Variants in CNTNAP2 observed in about 807,000 individuals in gnomAD.
CNTNAP2 encodes contactin-associated protein-like 2.
In CNTNAP2, 98 loss-of-function variants were observed where a neutral mutation model predicts 155.2. The observed-to-expected ratio is 0.63, with a 90% CI of 0.54 to 0.75. The LOEUF (loss-of-function observed/expected upper bound fraction) is 0.75. Among genes scored for constraint, CNTNAP2 ranks in the 30% least tolerant of loss-of-function variants. The pLI is 0.00. For synonymous variants in CNTNAP2, 651 were observed against 631.2 expected (o/e 1.03, Z -0.47); for missense variants, 1,727 against 1,688.1 (o/e 1.02, Z -0.40).
chr7:146,641,280 C>A (rs950944833), intron 1 of CNTNAP2, among the ~76,000 whole-genome samples: 2 of 152,094 alleles, frequency 1.3e-5, no homozygotes, highest in African/African-American at 2.4e-5. Flanking sequence ...GAGCCGAGAT[C>A]GCACCACTGC....
chr7:148,111,764 G>C (rs1804358958), intron 15 of CNTNAP2, among the ~76,000 whole-genome samples: 1 of 152,194 alleles, frequency 6.6e-6, no homozygotes, highest in South Asian at 2.1e-4. Flanking sequence ...AGCCCTGACA[G>C]CCTGACAATT....
At chr7:146,584,381 C>CCTTT (rs1409280077) in intron 1 of CNTNAP2, among the ~76,000 whole-genome samples, 1 of 152,100 alleles carries the variant, frequency 6.6e-6, no homozygotes, top group Non-Finnish European at 1.5e-5. Context: ...CAGAAGGGTA[C>CCTTT]CTTTAGCTGC....
At position 146,893,810 on chromosome 7, in the gene CNTNAP2, C is replaced by T. The variant is rs191129992; in HGVS notation, c.402+53906C>T. On this transcript the variant is annotated intron_variant, in intron 3 of 23. Coordinates refer to ENST00000361727, the MANE Select transcript of CNTNAP2 (RefSeq NM_014141.6). ...TGTCTATGGGTTGAGGAATAATCCA[C>T]TAAGCGCACATCAGTTAACAAATGG... Among the ~76,000 whole-genome samples, 17 of 152,232 alleles carry T rather than the reference C, an allele frequency of 1.1e-4. No individual in the cohort carries two copies. The South Asian group carries it at 2.5e-3, about 22-fold the overall frequency.
chr7:146,707,629 C>T (rs568020451), intron 1 of CNTNAP2, among the ~76,000 whole-genome samples: 1 of 152,088 alleles, frequency 6.6e-6, no homozygotes, highest in African/African-American at 2.4e-5. Flanking sequence ...CTCAGAAGGG[C>T]CTTGCTCTTT....
chr7:146,627,094 G>A (rs184477940), intron 1 of CNTNAP2, among the ~76,000 whole-genome samples: 4 of 152,304 alleles, frequency 2.6e-5, no homozygotes, highest in Non-Finnish European at 5.9e-5. Flanking sequence ...GGAGGAGCAA[G>A]TCACATCTTA....
intron 1 of CNTNAP2, among the ~76,000 whole-genome samples, chr7:146,244,504 C>A (rs1799614061): frequency 6.6e-6 from 1 of 152,166 alleles, no homozygotes; most frequent in African/African-American, 2.4e-5. Context: ...ATTCTGAGGA[C>A]AGGTCTGACT....
intron 1 of CNTNAP2, among the ~76,000 whole-genome samples, chr7:146,597,254 AG>A (rs1437574711): frequency 9.9e-5 from 15 of 152,074 alleles, no homozygotes; most frequent in Non-Finnish European, 2.2e-4. Flanking sequence ...TTTGGATGAG[AG>A]TGTAAAGGTT....
chr7:146,306,015 A>G (rs1800705011), intron 1 of CNTNAP2, among the ~76,000 whole-genome samples: 1 of 152,138 alleles, frequency 6.6e-6, no homozygotes, highest in African/African-American at 2.4e-5. Context: ...CAAATAAAGG[A>G]GAAAAGAGAG....
chr7:146,937,351 C>CAAAAA (rs71165050), intron 3 of CNTNAP2, among the ~76,000 whole-genome samples: 3 of 134,804 alleles, frequency 2.2e-5, no homozygotes, highest in Non-Finnish European at 4.7e-5. Context: ...ACTCTTGTCT[C>CAAAAA]AAAAAAAAAA....
chr7:146,771,096 A>T (rs575706779), intron 1 of CNTNAP2, among the ~76,000 whole-genome samples: 101 of 152,210 alleles, frequency 6.6e-4, no homozygotes, highest in Non-Finnish European at 1.1e-3. Flanking sequence ...TAAAATAGCA[A>T]TTCTCTTCCT....
rs1382530156 is a variant in CNTNAP2 at position 148,085,270 on chromosome 7, G to T, written c.2384-32848G>T. Among the ~76,000 whole-genome samples the T allele has an allele frequency of 2.6e-5, 4 of 152,150 alleles. No individual in the cohort carries two copies. In the East Asian group the frequency reaches 7.7e-4, roughly 29 times the overall value. ...CAAGTCAGATGTGTTCCTGCCTAGG[G>T]CTATTATATAAAGCTCAGAAAATTT... is the stretch of plus-strand genomic sequence containing the variant. On this transcript the variant is annotated intron_variant, in intron 15 of 23. Transcript: ENST00000361727.
rs969172625 is a variant in CNTNAP2 at position 146,938,121 on chromosome 7, G to C, written c.402+98217G>C. On this transcript the variant is annotated intron_variant, in intron 3 of 23. Coordinates refer to ENST00000361727, the MANE Select transcript of CNTNAP2 (RefSeq NM_014141.6). ...TATAACAAAGATAAGTGAATTGAAG[G>C]GGTAAGATGTCTGATCTCTAGTCTC... is the stretch of plus-strand genomic sequence containing the variant. Among the ~76,000 whole-genome samples the C allele has an allele frequency of 4.6e-5, 7 of 152,156 alleles. No individual in the cohort carries two copies. The East Asian group carries it at 5.8e-4, about 13-fold the overall frequency.
At chr7:147,955,372 A>T (rs542873041) in intron 14 of CNTNAP2, among the ~76,000 whole-genome samples, 1 of 152,214 alleles carries the variant, frequency 6.6e-6, no homozygotes, top group African/African-American at 2.4e-5. Flanking sequence ...TATTAGCATA[A>T]CATGCTTTTA....
intron 11 of CNTNAP2, among the ~76,000 whole-genome samples, chr7:147,537,691 A>C (rs927642212): frequency 6.6e-6 from 1 of 152,218 alleles, no homozygotes; most frequent in African/African-American, 2.4e-5. Context: ...CCCATTAAAA[A>C]TTAAAATGAA....
intron 20 of CNTNAP2, among the ~76,000 whole-genome samples, chr7:148,261,389 A>C (rs1033497960): frequency 6.6e-5 from 10 of 152,126 alleles, no homozygotes; most frequent in Admixed American, 2.6e-4. Context: ...CGAACTCCTG[A>C]CCACAGGTGA....
chr7:147,316,508 G>A (rs1795235992), intron 9 of CNTNAP2, among the ~76,000 whole-genome samples: 1 of 152,094 alleles, frequency 6.6e-6, no homozygotes, highest in Non-Finnish European at 1.5e-5. Flanking sequence ...AGTTTATAAT[G>A]TGTGTTTATT....
At chr7:146,976,917 C>G (rs1397308704) in intron 3 of CNTNAP2, among the ~76,000 whole-genome samples, 1 of 152,130 alleles carries the variant, frequency 6.6e-6, no homozygotes, top group Non-Finnish European at 1.5e-5. Flanking sequence ...GAACAACAAT[C>G]AGACAAGCAG....
chr7:147,794,853 T>C (rs1184826683), intron 13 of CNTNAP2, among the ~76,000 whole-genome samples: 1 of 152,028 alleles, frequency 6.6e-6, no homozygotes, highest in East Asian at 1.9e-4. Context: ...GTCCTTTGCA[T>C]CTTGTTTAAT....
chr7:147,773,213 A>C (rs1289897546), intron 13 of CNTNAP2, among the ~76,000 whole-genome samples: 2 of 152,238 alleles, frequency 1.3e-5, no homozygotes, highest in Non-Finnish European at 2.9e-5. Flanking sequence ...TTGAATGTTC[A>C]GTATTTTTTT....
Sources: gnomAD v4.1 joint callset for allele counts (sites outside exome capture counted in the v4.1 genomes callset) on GRCh38, gnomAD v4.1.1 for gene constraint, MANE v1.5 for transcripts, NCBI Gene and HGNC (gene_info 2026-07-23, HGNC 2026-07-21) for gene names.